The following HIBCH variants were observed in gnomAD, a reference collection of about 807,000 sequenced individuals.
HIBCH encodes the protein 3-hydroxyisobutyryl-CoA hydrolase.
HIBCH carries 50 observed loss-of-function variants against 58.2 expected under a neutral mutation model. The ratio of observed to expected loss-of-function variants is 0.86; its 90% CI spans 0.68 to 1.09. HIBCH has a LOEUF of 1.09. Ranked by LOEUF, HIBCH falls within the 50% of genes least tolerant of loss-of-function variation. The probability of loss-of-function intolerance (pLI) is 0.00; values close to 1 mark genes in which losing one functional copy is unlikely to be tolerated. For missense variants in HIBCH, 450 were observed against 449.7 expected, an observed-to-expected ratio of 1.00 and a Z score of -0.01; for synonymous variants, 151 against 146.9, an observed-to-expected ratio of 1.03 and a Z score of -0.20.
intron 11 of HIBCH, among the ~76,000 whole-genome samples, chr2:190,238,916 G>A (rs904572859): frequency 1.3e-5 from 2 of 152,146 alleles, no homozygotes; most frequent in Non-Finnish European, 2.9e-5. Context: ...TCCGTGAGTT[G>A]CCTGTTCACT....
intron 6 of HIBCH, among the ~76,000 whole-genome samples, chr2:190,274,665 T>C (rs1179714604): frequency 6.6e-6 from 1 of 152,188 alleles, no homozygotes; most frequent in Non-Finnish European, 1.5e-5. Context: ...GTATACCTCA[T>C]GTATACACAG....
chr2:190,213,610 C>T (rs1029365374), intron 11 of HIBCH: 2 of 162,048 alleles, frequency 1.2e-5, no homozygotes, highest in Non-Finnish European at 2.7e-5. Flanking sequence ...AGCCTAGATA[C>T]TAGTCTGCAA....
chr2:190,278,137 G>A (rs1483668788), intron 6 of HIBCH, among the ~76,000 whole-genome samples: 1 of 152,024 alleles, frequency 6.6e-6, no homozygotes, highest in African/African-American at 2.4e-5. Context: ...ATCATTACCT[G>A]AGAACTTGTT....
chr2:190,205,323 G>C, intron 13 of HIBCH, 91 bp from the exon 14 acceptor site: 2 of 735,340 alleles, frequency 2.7e-6, no homozygotes, highest in South Asian at 3.3e-5. Flanking sequence ...TCTTATACTA[G>C]GCACATTTTT....
intron 7 of HIBCH, among the ~76,000 whole-genome samples, chr2:190,253,624 C>T (rs1035859564): frequency 2.6e-5 from 4 of 152,170 alleles, no homozygotes; most frequent in Non-Finnish European, 4.4e-5. Context: ...GAACTGTTCT[C>T]CACACAATAG....
intron 9 of HIBCH, 129 bp downstream of exon 9, chr2:190,249,511 T>C (rs1057111777): frequency 8.0e-6 from 5 of 624,742 alleles, no homozygotes; most frequent in Non-Finnish European, 1.2e-5. Context: ...TCTGCCACGC[T>C]TTAAAGTAAA....
At chr2:190,225,972 A>T (rs1197994987) in intron 11 of HIBCH, among the ~76,000 whole-genome samples, 1 of 152,120 alleles carries the variant, frequency 6.6e-6, no homozygotes, top group Non-Finnish European at 1.5e-5. Flanking sequence ...CAACATACAC[A>T]AATCAATAAA....
rs1007139309 is a variant in HIBCH, at chr2:190,216,459, G to A, written c.892-3384C>T. On this transcript the variant is annotated intron_variant, in intron 11 of 13. Transcript: ENST00000359678. This position sits in a 1 kb window ranked among gnomAD's most constrained non-coding sequence, Gnocchi z 4.2. ...AGTAAGGCTGCAGAAGGTCTGGGGG[G>A]CTATATAAGTTAGATCAGAGGGTTG... 6.6e-6 allele frequency among the ~76,000 whole-genome samples: 1 copy of A among 152,156 alleles called. No homozygotes were observed. Among genetic ancestry groups the A allele is most frequent in the Admixed American group, 6.5e-5 (1 of 15,282 alleles).
At chr2:190,247,222 T>C (rs999099790) in intron 9 of HIBCH, among the ~76,000 whole-genome samples, 1 of 152,084 alleles carries the variant, frequency 6.6e-6, no homozygotes, top group African/African-American at 2.4e-5. Flanking sequence ...ATCAACTTGA[T>C]CAAAACGCTA....
intron 6 of HIBCH, among the ~76,000 whole-genome samples, chr2:190,278,753 A>C (rs897100680): frequency 9.9e-5 from 15 of 151,522 alleles, no homozygotes; most frequent in Admixed American, 5.3e-4. Flanking sequence ...AAAAAAAAAA[A>C]AAAAAGCCTA....
intron 11 of HIBCH, among the ~76,000 whole-genome samples, chr2:190,231,459 C>G (rs1405128521): frequency 6.6e-6 from 1 of 152,140 alleles, no homozygotes; most frequent in African/African-American, 2.4e-5. Context: ...GCAAAATAAG[C>G]ATGATAAAAT....
At chr2:190,272,773 C>T (rs1030857010) in intron 6 of HIBCH, among the ~76,000 whole-genome samples, 3 of 151,706 alleles carry the variant, frequency 2.0e-5, no homozygotes, top group Non-Finnish European at 4.4e-5. Flanking sequence ...GGCAGGGAGA[C>T]CGAAGGTAGT....
At chr2:190,273,554 A>C (rs532698732) in intron 6 of HIBCH, among the ~76,000 whole-genome samples, 4 of 152,310 alleles carry the variant, frequency 2.6e-5, no homozygotes, top group African/African-American at 9.6e-5. Context: ...TTGAATAATC[A>C]ATATAGATAA....
At position 190,286,791 on chromosome 2, in the gene HIBCH, A is replaced by G. The variant is rs141472596; in HGVS notation, c.438+795T>C. On this transcript the variant is annotated intron_variant, in intron 6 of 13. Transcript: ENST00000359678. ...TTACAGAGAACTTCAAAAAGAATCC[A>G]AACACTTCCACTAAGGTGAAATTTT... Among the ~76,000 whole-genome samples the G allele has an allele frequency of 9.7e-4, 148 of 152,314 alleles. 1 individual carries two copies. The highest frequency in any genetic ancestry group is 1.7e-3 in the South Asian group (8 of 4,828).
intron 1 of HIBCH, among the ~76,000 whole-genome samples, chr2:190,195,511 T>A (rs1312159685): frequency 6.6e-6 from 1 of 152,236 alleles, no homozygotes; most frequent in East Asian, 1.9e-4. Flanking sequence ...AATGACATGA[T>A]GTTGAACACT....
At chr2:190,235,077 C>T (rs1414863392) in intron 11 of HIBCH, among the ~76,000 whole-genome samples, 1 of 152,136 alleles carries the variant, frequency 6.6e-6, no homozygotes, top group African/African-American at 2.4e-5. Context: ...AAACTTAAGA[C>T]AAAAGTAACT....
intron 7 of HIBCH, among the ~76,000 whole-genome samples, chr2:190,256,864 G>T (rs144142959): frequency 8.5e-5 from 13 of 152,238 alleles, no homozygotes; most frequent in African/African-American, 3.1e-4. Context: ...ATTAAGGGCA[G>T]ATTAGATCTT....
At position 190,246,212 on chromosome 2, in the gene HIBCH, A is replaced by C. The variant is rs1451134745; in HGVS notation, c.751T>G (p.Ser251Ala). The C allele has an allele frequency of 6.4e-7, 1 of 1,571,760 alleles. No homozygotes were observed. The highest frequency in any genetic ancestry group is 1.1e-5 in the South Asian group (1 of 87,868). ...ASVLENYHTE[S>A]KIDRDKSFIL... Reference sequence around the variant, plus strand: ...AAAGACTTGTCTCGATCAATCTTAGACTGTTTGAAAAGAAAAATCTTTTAA... The same window carrying C: ...AAAGACTTGTCTCGATCAATCTTAGCCTGTTTGAAAAGAAAAATCTTTTAA... Residue 251 changes from serine (S) to alanine (A), a missense_variant and splice_region_variant, in exon 10 of 14, where the codon TCT becomes GCT. Physicochemically the swap from Ser to Ala is moderately conservative, Grantham distance 99. Transcript: ENST00000359678.
At chr2:190,245,341 A>T (rs1287279163) in intron 10 of HIBCH, 5 of 212,698 alleles carry the variant, frequency 2.4e-5, no homozygotes, top group Non-Finnish European at 3.8e-5. Flanking sequence ...CATCACACAA[A>T]ACCTTTTTTG....
Sources: allele counts gnomAD v4.1 joint callset (sites outside exome capture counted in the v4.1 genomes callset), GRCh38; gene constraint gnomAD v4.1.1; non-coding constraint Gnocchi (gnomAD v3.1); transcripts MANE v1.5; gene names NCBI Gene and HGNC (gene_info 2026-07-23, HGNC 2026-07-21).